VSNL1: variants seen among roughly 807,000 people sequenced by gnomAD.
The protein encoded by VSNL1 is visinin like 1, also known as visinin-like protein 1.
VSNL1 carries 6 observed loss-of-function variants against 20.4 expected under a neutral mutation model. The observed-to-expected ratio is 0.29, with a 90% CI of 0.16 to 0.58. VSNL1 has a LOEUF of 0.58. Ranked by LOEUF, VSNL1 falls within the 20% of genes least tolerant of loss-of-function variation. The probability of loss-of-function intolerance (pLI) is 0.90; values close to 1 mark genes in which losing one functional copy is unlikely to be tolerated. For missense variants in VSNL1, 100 were observed against 234.5 expected (o/e 0.43, Z 3.75); for synonymous variants, 93 against 86.4 (o/e 1.08, Z -0.42).
intron 1 of VSNL1, chr2:17,567,352 ACTTTTTTTTTTTTTTTTTTTTTTT>A: frequency 2.3e-5 from 1 of 42,692 alleles, no homozygotes; most frequent in South Asian, 1.0e-3. Context: ...ATAGAGTCTC[ACTTTTTTTTTTTTTTTTTTTTTTT>A]TAGAAGGAGT....
At chr2:17,646,656 G>C (rs757276984) in intron 2 of VSNL1, among the ~76,000 whole-genome samples, 4 of 152,078 alleles carry the variant, frequency 2.6e-5, no homozygotes, top group African/African-American at 4.8e-5. Context: ...CTTTGTATCT[G>C]TCATATTATT....
At chr2:17,605,853 C>A (rs1227259405) in intron 2 of VSNL1, among the ~76,000 whole-genome samples, 2 of 152,208 alleles carry the variant, frequency 1.3e-5, no homozygotes, top group Non-Finnish European at 2.9e-5. Context: ...AAACCAGATA[C>A]TTTACGTCCT....
chr2:17,591,624 A>G (rs1047078269), intron 1 of VSNL1, among the ~76,000 whole-genome samples: 1 of 152,160 alleles, frequency 6.6e-6, no homozygotes, highest in Non-Finnish European at 1.5e-5. Context: ...CCACTTACTG[A>G]TCATTTAGTT....
At chr2:17,584,439 A>G (rs1216305876) in intron 1 of VSNL1, among the ~76,000 whole-genome samples, 1 of 152,110 alleles carries the variant, frequency 6.6e-6, no homozygotes, top group Non-Finnish European at 1.5e-5. Context: ...TGATTATGCC[A>G]TTTTGACCCT....
intron 1 of VSNL1, among the ~76,000 whole-genome samples, chr2:17,584,999 C>A (rs956727073): frequency 2.0e-5 from 3 of 152,158 alleles, no homozygotes; most frequent in Non-Finnish European, 4.4e-5. Flanking sequence ...TCTTGTTACT[C>A]GCCCTAACAT....
intron 2 of VSNL1, among the ~76,000 whole-genome samples, chr2:17,605,911 CAG>C (rs1664934012): frequency 2.6e-5 from 4 of 152,172 alleles, no homozygotes; most frequent in African/African-American, 9.6e-5. Context: ...GAATAATAGA[CAG>C]AGAATACTAG....
At chr2:17,593,826 A>G (rs1664650560) in intron 2 of VSNL1, among the ~76,000 whole-genome samples, 1 of 151,912 alleles carries the variant, frequency 6.6e-6, no homozygotes. Context: ...TAACCATACT[A>G]CTCTCCCTAG....
intron 1 of VSNL1, among the ~76,000 whole-genome samples, chr2:17,557,512 GAAAGTGTAACA>G (rs1663713891): frequency 6.6e-6 from 1 of 152,160 alleles, no homozygotes; most frequent in African/African-American, 2.4e-5. Flanking sequence ...AATGCTGTAA[GAAAGTGTAACA>G]AGGAGACCTA....
chr2:17,580,825 G>A (rs79025659), intron 1 of VSNL1, among the ~76,000 whole-genome samples: 3,181 of 152,218 alleles, frequency 0.021, 48 homozygotes, highest in Non-Finnish European at 0.034. Flanking sequence ...AATACATTTT[G>A]TGCATTTATT....
intron 2 of VSNL1, among the ~76,000 whole-genome samples, chr2:17,647,789 C>A (rs986140844): frequency 6.6e-6 from 1 of 152,090 alleles, no homozygotes; most frequent in Non-Finnish European, 1.5e-5. Flanking sequence ...GTAAAGTCCC[C>A]CCATTAACTG....
intron 1 of VSNL1, among the ~76,000 whole-genome samples, chr2:17,573,121 C>A (rs954986165): frequency 6.6e-6 from 1 of 152,146 alleles, no homozygotes; most frequent in African/African-American, 2.4e-5. Context: ...CTCATTTGTT[C>A]ATTCATTTGG....
chr2:17,633,971 T>C (rs746324232), intron 2 of VSNL1, among the ~76,000 whole-genome samples: 4 of 152,100 alleles, frequency 2.6e-5, no homozygotes, highest in African/African-American at 4.8e-5. Context: ...TCTGGAAAGA[T>C]TTCCCATGGA....
chr2:17,546,305 C>G (rs1663404562), intron 1 of VSNL1, among the ~76,000 whole-genome samples: 1 of 151,902 alleles, frequency 6.6e-6, no homozygotes, highest in African/African-American at 2.4e-5. Context: ...ATAGAAATCT[C>G]TCACTTTTTA....
At chr2:17,571,634 C>T (rs960923407) in intron 1 of VSNL1, among the ~76,000 whole-genome samples, 9 of 152,132 alleles carry the variant, frequency 5.9e-5, no homozygotes, top group African/African-American at 1.7e-4. Context: ...ATTCTAGGTA[C>T]AAAGAGTGCT....
chr2:17,624,387 A>G (rs192668678), intron 2 of VSNL1, among the ~76,000 whole-genome samples: 67 of 152,202 alleles, frequency 4.4e-4, no homozygotes, highest in Admixed American at 2.5e-3. Flanking sequence ...TCCCCCCTTC[A>G]CCCCAAGGTA....
intron 2 of VSNL1, among the ~76,000 whole-genome samples, chr2:17,599,583 C>CTTGT (rs1664782727): frequency 6.6e-6 from 1 of 152,180 alleles, no homozygotes; most frequent in Non-Finnish European, 1.5e-5. Flanking sequence ...AGGTCTCTCC[C>CTTGT]TTGTTTCTCA....
At chr2:17,597,478 A>G (rs1168872959) in intron 2 of VSNL1, among the ~76,000 whole-genome samples, 1 of 152,164 alleles carries the variant, frequency 6.6e-6, no homozygotes, top group African/African-American at 2.4e-5. Flanking sequence ...CATTGCTCCA[A>G]ATTTTCTTCT....
At chr2:17,545,541 G>A (rs2103334690) in intron 1 of VSNL1, among the ~76,000 whole-genome samples, 1 of 152,188 alleles carries the variant, frequency 6.6e-6, no homozygotes, top group East Asian at 1.9e-4. Context: ...ATGCTCTCTT[G>A]AGCTATGGAA....
At chr2:17,617,877 G>GCACATGCA (rs768313639) in intron 2 of VSNL1, among the ~76,000 whole-genome samples, 163 of 136,454 alleles carry the variant, frequency 1.2e-3, no homozygotes, top group Non-Finnish European at 1.8e-3. Context: ...ACATGCACAT[G>GCACATGCA]CACATGCACG....
Sources: allele counts gnomAD v4.1 joint callset (sites outside exome capture counted in the v4.1 genomes callset), GRCh38; gene constraint gnomAD v4.1.1; transcripts MANE v1.5; gene names NCBI Gene and HGNC (gene_info 2026-07-23, HGNC 2026-07-21).